Variants in SRD5A1 observed in about 807,000 individuals in gnomAD.
SRD5A1 encodes the protein 3-oxo-5-alpha-steroid 4-dehydrogenase 1.
In SRD5A1, 22 loss-of-function variants were observed where a neutral mutation model predicts 28.2. That is an observed-to-expected ratio of 0.78 (90% CI 0.56 to 1.12). SRD5A1 has a LOEUF of 1.12. SRD5A1 is among the 50% of genes most tolerant of loss of function. The pLI is 0.00. For synonymous variants in SRD5A1, 151 were observed against 135.0 expected (o/e 1.12, Z -0.82); for missense variants, 300 against 346.7 (o/e 0.87, Z 1.07).
intron 4 of SRD5A1, 132 bp downstream of exon 4, chr5:6,663,098 G>A (rs1027401598): frequency 6.2e-6 from 7 of 1,127,228 alleles, no homozygotes; most frequent in Non-Finnish European, 8.7e-6. Context: ...GGCCAAACAA[G>A]TACAAAACCA....
chr5:6,641,593 A>G (rs1338704642), intron 1 of SRD5A1, among the ~76,000 whole-genome samples: 9 of 152,216 alleles, frequency 5.9e-5, no homozygotes, highest in Admixed American at 5.9e-4. Context: ...TGACAGGCCT[A>G]TAGGCATCAG....
rs1485727531 is a variant in SRD5A1, at chr5:6,669,939, T to C, written c.*1671T>C. The stretch of plus-strand genomic sequence containing the variant: ...CTGATGTGGCAGAGCAGAGAGGCCA[T>C]GACAGTGCACACCCTGCGGAGACCC... On this transcript the variant is annotated 3_prime_UTR_variant, in exon 5 of 5. Coordinates refer to ENST00000274192, the MANE Select transcript of SRD5A1 (RefSeq NM_001047.4). 1 of 152,676 alleles carries C rather than the reference T, an allele frequency of 6.5e-6. No homozygotes were observed. The highest frequency in any genetic ancestry group is 6.5e-5 in the Admixed American group (1 of 15,288). 9.5% of individuals were successfully genotyped at this position (152,676 alleles called of 1,614,324 possible).
At chr5:6,666,314 A>AT (rs1234536175) in intron 4 of SRD5A1, among the ~76,000 whole-genome samples, 6 of 151,912 alleles carry the variant, frequency 3.9e-5, no homozygotes, top group Non-Finnish European at 8.8e-5. Flanking sequence ...TGCCCGGCTA[A>AT]TTTTTTTGTA....
At chr5:6,635,607 G>T (rs530345248) in intron 1 of SRD5A1, among the ~76,000 whole-genome samples, 1 of 152,336 alleles carries the variant, frequency 6.6e-6, no homozygotes, top group Non-Finnish European at 1.5e-5. Flanking sequence ...TAAAATGCTT[G>T]CATGGTGCTG....
At chr5:6,650,626 A>G (rs1400557000) in intron 1 of SRD5A1, among the ~76,000 whole-genome samples, 3 of 151,828 alleles carry the variant, frequency 2.0e-5, no homozygotes, top group African/African-American at 2.4e-5. Flanking sequence ...GTGGTACAAC[A>G]GAACGTGATC....
intron 4 of SRD5A1, among the ~76,000 whole-genome samples, chr5:6,665,569 G>A (rs1739145962): frequency 6.6e-6 from 1 of 152,154 alleles, no homozygotes; most frequent in Non-Finnish European, 1.5e-5. Flanking sequence ...TCCCAGCACT[G>A]CACCTGGCCT....
chr5:6,662,030 C>T (rs904948367), intron 3 of SRD5A1, among the ~76,000 whole-genome samples: 6 of 152,142 alleles, frequency 3.9e-5, no homozygotes, highest in Non-Finnish European at 7.4e-5. Context: ...TGCTGGGACC[C>T]TTCTCCCCAC....
At chr5:6,666,716 A>G (rs562287050) in intron 4 of SRD5A1, among the ~76,000 whole-genome samples, 3 of 152,282 alleles carry the variant, frequency 2.0e-5, no homozygotes, top group Non-Finnish European at 4.4e-5. Context: ...TTCAGCCAAC[A>G]TCCCTTCATT....
rs1739306444 is a variant in SRD5A1 at position 6,669,662 on chromosome 5, C to T, written c.*1394C>T. Reference sequence around the variant, plus strand: ...TTTTTCAACTTCTTCTGTTTACTATCTACAGTGATTTGGAAAGGAGATTTC... The same window carrying T: ...TTTTTCAACTTCTTCTGTTTACTATTTACAGTGATTTGGAAAGGAGATTTC... On this transcript the variant is annotated 3_prime_UTR_variant, in exon 5 of 5. Coordinates refer to ENST00000274192, the MANE Select transcript of SRD5A1 (RefSeq NM_001047.4). The T allele has an allele frequency of 6.6e-6, 1 of 152,190 alleles. No homozygotes were observed. The highest frequency in any genetic ancestry group is 6.5e-5 in the Admixed American group (1 of 15,278). 9.4% of individuals were successfully genotyped at this position (152,190 alleles called of 1,614,324 possible).
At chr5:6,658,626 G>A (rs188925683) in intron 3 of SRD5A1, among the ~76,000 whole-genome samples, 239 of 152,298 alleles carry the variant, frequency 1.6e-3, no homozygotes, top group Non-Finnish European at 2.7e-3. Flanking sequence ...CGGTGCAGAT[G>A]ACATGGGACA....
chr5:6,639,913 C>T (rs1280131898), intron 1 of SRD5A1, among the ~76,000 whole-genome samples: 1 of 152,138 alleles, frequency 6.6e-6, no homozygotes, highest in African/African-American at 2.4e-5. Flanking sequence ...ATCTTTTTCC[C>T]ATATCTTTCA....
intron 1 of SRD5A1, among the ~76,000 whole-genome samples, chr5:6,646,711 C>G (rs998164262): frequency 1.9e-4 from 29 of 151,884 alleles, no homozygotes; most frequent in African/African-American, 7.0e-4. Flanking sequence ...TTTTGTTGAT[C>G]TTTTCAAAAA....
At position 6,662,862 on chromosome 5, in the gene SRD5A1, C is replaced by T; in HGVS notation, c.609C>T (p.Ile203=). ...YVTAANYFGE[I]MEWCGYALAS... ...CTGCAGCCAACTATTTTGGAGAAAT[C>T]ATGGAGTGGTGTGGCTATGCCCTGG... Residue 203 remains isoleucine (I), a synonymous_variant, in exon 4 of 5, where the codon ATC becomes ATT. Coordinates refer to ENST00000274192, the MANE Select transcript of SRD5A1 (RefSeq NM_001047.4). 1 of 1,613,010 alleles carries T rather than the reference C, an allele frequency of 6.2e-7. No individual in the cohort carries two copies. Among genetic ancestry groups the T allele is most frequent in the Non-Finnish European group, 8.5e-7 (1 of 1,180,032 alleles).
intron 2 of SRD5A1, among the ~76,000 whole-genome samples, 195 bp from the exon 3 acceptor site, chr5:6,655,880 GTAT>G (rs1738816700): frequency 6.6e-6 from 1 of 152,158 alleles, no homozygotes. Context: ...TGATGTATTT[GTAT>G]TATTAGGAAA....
chr5:6,634,709 TC>T (rs1271356438), intron 1 of SRD5A1, among the ~76,000 whole-genome samples: 2 of 152,212 alleles, frequency 1.3e-5, no homozygotes, highest in Non-Finnish European at 2.9e-5. Context: ...ACAAACGAAG[TC>T]TTAAAGATGA....
rs777428493 is a variant in SRD5A1 at position 6,669,598 on chromosome 5, C to G, written c.*1330C>G. The G allele has an allele frequency of 6.6e-6, 1 of 152,134 alleles. No homozygotes were observed. Among genetic ancestry groups the G allele is most frequent in the Non-Finnish European group, 1.5e-5 (1 of 68,012 alleles). The allele number at this position is 152,134 out of a possible 1,614,324, so 9.4% of individuals were successfully genotyped here. On this transcript the variant is annotated 3_prime_UTR_variant, in exon 5 of 5. Transcript: ENST00000274192. ...CAAATTCTTTTACTAATTGTTACAT[C>G]GAAACATTCTTTCATCATATTTCCT...
intron 2 of SRD5A1, among the ~76,000 whole-genome samples, chr5:6,655,473 G>A (rs557374902): frequency 5.3e-5 from 8 of 152,350 alleles, no homozygotes; most frequent in East Asian, 3.9e-4. Flanking sequence ...GTCAAGAACC[G>A]AGGAGGAAGG....
rs2126560303 is a variant in SRD5A1 at position 6,671,093 on chromosome 5, G to A, written c.*2825G>A. 6.6e-6 allele frequency: 1 copy of A among 152,270 alleles called. No individual in the cohort carries two copies. Among genetic ancestry groups the A allele is most frequent in the South Asian group, 2.1e-4 (1 of 4,822 alleles). 9.4% of individuals were successfully genotyped at this position (152,270 alleles called of 1,614,324 possible). On this transcript the variant is annotated 3_prime_UTR_variant, in exon 5 of 5. Coordinates refer to ENST00000274192, the MANE Select transcript of SRD5A1 (RefSeq NM_001047.4). ...AAGGAATTTCCACACTGTTTTCCATGGTGGCTCTAATAGTTTACATTCCCA... is the reference window on the plus strand; with the variant it reads ...AAGGAATTTCCACACTGTTTTCCATAGTGGCTCTAATAGTTTACATTCCCA...
At chr5:6,665,416 G>A (rs2126553925) in intron 4 of SRD5A1, among the ~76,000 whole-genome samples, 1 of 152,368 alleles carries the variant, frequency 6.6e-6, no homozygotes, top group Non-Finnish European at 1.5e-5. Flanking sequence ...GACTGGGAAA[G>A]TAAGGGCAGG....
Sources: allele counts gnomAD v4.1 joint callset (sites outside exome capture counted in the v4.1 genomes callset), GRCh38; gene constraint gnomAD v4.1.1; transcripts MANE v1.5; gene names NCBI Gene and HGNC (gene_info 2026-07-23, HGNC 2026-07-21).